The following SHANK2 variants were observed in gnomAD, a reference collection of about 807,000 sequenced individuals.
The protein encoded by SHANK2 is SH3 and multiple ankyrin repeat domains 2, also known as SH3 and multiple ankyrin repeat domains protein 2.
A neutral mutation model predicts 133.7 loss-of-function variants in SHANK2; 43 were observed. That is an observed-to-expected ratio of 0.32 (90% CI 0.25 to 0.41). The LOEUF is 0.41. Ranked by LOEUF, SHANK2 falls within the 10% of genes least tolerant of loss-of-function variation. The pLI is 1.00. For synonymous variants in SHANK2, 1,017 were observed against 952.8 expected (o/e 1.07, Z -1.24); for missense variants, 1,994 against 2,235.8 (o/e 0.89, Z 2.18).
Position 70,502,200 on chromosome 11 carries a change from A to T in SHANK2, c.2278+6T>A. 1 of 1,554,742 alleles carries T rather than the reference A, an allele frequency of 6.4e-7. No individual in the cohort carries two copies. Among genetic ancestry groups the T allele is most frequent in the Middle Eastern group, 1.8e-4 (1 of 5,486 alleles). ...TGTACAGGGCTGGGCCGGGTGTGCG[A>T]CTTACCGAGCTCCTCCAGCTCCGAG... On this transcript the variant is annotated splice_donor_region_variant and intron_variant, in intron 19 of 25. Transcript: ENST00000601538.
At chr11:70,710,507 G>T (rs1219016929) in intron 14 of SHANK2, among the ~76,000 whole-genome samples, 1 of 152,204 alleles carries the variant, frequency 6.6e-6, no homozygotes, top group Non-Finnish European at 1.5e-5. Flanking sequence ...CTAGACCTTC[G>T]CCCCCTGGCA....
intron 2 of SHANK2, among the ~76,000 whole-genome samples, chr11:71,163,416 G>T (rs190413345): frequency 7.0e-4 from 107 of 152,294 alleles, no homozygotes; most frequent in African/African-American, 2.5e-3. Context: ...ATGTGCTTGT[G>T]GGGGGATCTC....
At chr11:70,627,771 TTG>T (rs1308801624) in intron 17 of SHANK2, among the ~76,000 whole-genome samples, 3 of 152,200 alleles carry the variant, frequency 2.0e-5, no homozygotes, top group Non-Finnish European at 2.9e-5. Context: ...ACAGTTTTCA[TTG>T]TGTTTTGACT....
intron 17 of SHANK2, among the ~76,000 whole-genome samples, chr11:70,623,568 G>C (rs1419074949): frequency 6.6e-6 from 1 of 152,232 alleles, no homozygotes; most frequent in African/African-American, 2.4e-5. Context: ...AGGAAGGAGA[G>C]AGGGGACTGG....
intron 14 of SHANK2, among the ~76,000 whole-genome samples, chr11:70,784,329 C>A: frequency 6.8e-6 from 1 of 147,690 alleles, no homozygotes; most frequent in Non-Finnish European, 1.5e-5. Flanking sequence ...GGGCGTGCGC[C>A]ACCACACCGG....
At chr11:70,659,796 A>C (rs1591717116) in intron 17 of SHANK2, 32 bp downstream of exon 17, 4 of 1,613,328 alleles carry the variant, frequency 2.5e-6, no homozygotes, top group Non-Finnish European at 3.4e-6. Flanking sequence ...CGCTCTCCCC[A>C]AGCAGAAAGA....
chr11:71,094,443 G>A (rs1291445982), intron 7 of SHANK2, 94 bp downstream of exon 7: 2 of 1,261,494 alleles, frequency 1.6e-6, no homozygotes, highest in African/African-American at 3.0e-5. Flanking sequence ...ACTGTGCACG[G>A]ACCCCCTAGG....
At chr11:70,695,878 C>T (rs79860058) in intron 15 of SHANK2, among the ~76,000 whole-genome samples, 8 of 152,194 alleles carry the variant, frequency 5.3e-5, no homozygotes, top group Admixed American at 3.3e-4. Flanking sequence ...TCTGATCCCT[C>T]GCCATGGGAG....
At chr11:71,095,108 T>C (rs1951583684) in intron 6 of SHANK2, among the ~76,000 whole-genome samples, 1 of 152,196 alleles carries the variant, frequency 6.6e-6, no homozygotes, top group African/African-American at 2.4e-5. Context: ...AATGTCACAT[T>C]TATGGGCATC....
At chr11:71,198,704 C>T (rs1175620983) in intron 2 of SHANK2, among the ~76,000 whole-genome samples, 5 of 152,204 alleles carry the variant, frequency 3.3e-5, no homozygotes, top group African/African-American at 7.2e-5. Flanking sequence ...GGTCCCCTCC[C>T]GTCCAGCAGA....
At position 71,130,022 on chromosome 11, in the gene SHANK2, G is replaced by A. The variant is rs188394745; in HGVS notation, c.208-10990C>T. On this transcript the variant is annotated intron_variant, in intron 3 of 25. Transcript: ENST00000601538. ...TGTCCCCAGGTGGTTGTCCCTCTGT[G>A]TGTGTCTGCGTCCTCACCTCCTCTT... 1.7e-3 allele frequency among the ~76,000 whole-genome samples: 255 copies of A among 152,300 alleles called. 1 individual carries two copies. Among genetic ancestry groups the A allele is most frequent in the Admixed American group, 4.2e-3 (64 of 15,294 alleles).
intron 17 of SHANK2, among the ~76,000 whole-genome samples, chr11:70,589,166 G>GA (rs782272988): frequency 3.9e-5 from 6 of 152,208 alleles, no homozygotes; most frequent in Admixed American, 1.3e-4. Context: ...TTCATAGCTA[G>GA]AGAGGAGAAA....
intron 11 of SHANK2, among the ~76,000 whole-genome samples, chr11:70,892,328 C>T (rs1256452534): frequency 1.3e-5 from 2 of 151,840 alleles, no homozygotes; most frequent in African/African-American, 2.4e-5. Flanking sequence ...GATGAGGAAG[C>T]AGAGAGGAGA....
At chr11:70,866,712 C>A (rs1949364390) in intron 11 of SHANK2, among the ~76,000 whole-genome samples, 1 of 152,108 alleles carries the variant, frequency 6.6e-6, no homozygotes, top group Non-Finnish European at 1.5e-5. Context: ...CACAAGTCAA[C>A]AAATAGGAGA....
chr11:70,553,504 C>T (rs367756506), intron 17 of SHANK2, among the ~76,000 whole-genome samples: 3 of 152,196 alleles, frequency 2.0e-5, no homozygotes, highest in South Asian at 2.1e-4. Flanking sequence ...TCAGCTGTGA[C>T]GATCCCCAGC....
At chr11:70,892,793 C>G (rs116052129) in intron 11 of SHANK2, among the ~76,000 whole-genome samples, 2 of 152,140 alleles carry the variant, frequency 1.3e-5, no homozygotes, top group Admixed American at 1.3e-4. Context: ...AGAGGGAGCA[C>G]GCATAGGAGC....
At chr11:71,144,959 T>G (rs1299199038) in intron 3 of SHANK2, among the ~76,000 whole-genome samples, 1 of 152,266 alleles carries the variant, frequency 6.6e-6, no homozygotes, top group African/African-American at 2.4e-5. Context: ...AACAGGGCTC[T>G]GCCAAGTATT....
At chr11:71,237,401 T>C (rs1281987533) in intron 1 of SHANK2, among the ~76,000 whole-genome samples, 1 of 152,204 alleles carries the variant, frequency 6.6e-6, no homozygotes, top group Non-Finnish European at 1.5e-5. Flanking sequence ...TGACCACTGT[T>C]TTGGAGAGAC....
chr11:70,943,139 T>A, intron 10 of SHANK2: 3 of 454,600 alleles, frequency 6.6e-6, no homozygotes, highest in South Asian at 4.7e-5. Context: ...GAGCAAGCAG[T>A]CTCACCTGGC....
Sources: allele counts gnomAD v4.1 joint callset (sites outside exome capture counted in the v4.1 genomes callset), GRCh38; gene constraint gnomAD v4.1.1; transcripts MANE v1.5; gene names NCBI Gene and HGNC (gene_info 2026-07-23, HGNC 2026-07-21).